The following NBPF14 variants were observed in gnomAD, a reference collection of about 807,000 sequenced individuals.
NBPF14 encodes the protein NBPF family member NBPF14.
In NBPF14, 104 loss-of-function variants were observed where a neutral mutation model predicts 91.2. The ratio of observed to expected loss-of-function variants is 1.14; its 90% confidence interval spans 0.97 to 1.34. NBPF14 has a LOEUF of 1.34. Among genes scored for constraint, NBPF14 ranks in the 40% most tolerant of loss-of-function variants. NBPF14 has a pLI of 0.00. For missense variants in NBPF14, 908 were observed against 783.0 expected (o/e 1.16, Z -1.91); for synonymous variants, 294 against 303.8 (o/e 0.97, Z 0.34).
chr1:148,586,797 TAC>T (rs1661599760), intron 8 of NBPF14, among the ~76,000 whole-genome samples: 1 of 139,370 alleles, frequency 7.2e-6, no homozygotes. Flanking sequence ...CATGTGAAAA[TAC>T]ACATAGTGCA....
intron 9 of NBPF14, among the ~76,000 whole-genome samples, chr1:148,585,508 C>A (rs1219454930): frequency 6.6e-6 from 1 of 150,394 alleles, no homozygotes; most frequent in Non-Finnish European, 1.5e-5. Flanking sequence ...CTGTCTCCCC[C>A]ATCCTGCCAG....
At chr1:148,576,044 C>A (rs1425572400) in intron 16 of NBPF14, among the ~76,000 whole-genome samples, 3 of 146,514 alleles carry the variant, frequency 2.0e-5, no homozygotes, top group Middle Eastern at 3.5e-3. Context: ...GTGAGCTCAG[C>A]GAATTGGCCG....
chr1:148,577,731 T>A (rs1186070787), intron 14 of NBPF14, among the ~76,000 whole-genome samples: 7 of 142,166 alleles, frequency 4.9e-5, no homozygotes, highest in Non-Finnish European at 9.0e-5. Context: ...GTGCTCAAGT[T>A]TCCCGGCAGT....
intron 59 of NBPF14, among the ~76,000 whole-genome samples, chr1:148,542,204 G>A (rs1349479669): frequency 2.3e-5 from 2 of 85,372 alleles, no homozygotes; most frequent in Non-Finnish European, 3.9e-5. Context: ...ATTGTTCATG[G>A]TTGTGAGGAC....
Position 148,558,235 on chromosome 1 carries a change from C to T in NBPF14, c.4954+17G>A. 5.8e-6 allele frequency: 1 copy of T among 171,228 alleles called. No individual in the cohort carries two copies. Among genetic ancestry groups the T allele is most frequent in the Non-Finnish European group, 1.0e-5 (1 of 98,834 alleles). The allele number at this position is 171,228 out of a possible 1,614,324, so 10.6% of individuals were successfully genotyped here. ...AGACCAGGTGGAGGCTTATCACCTT[C>T]ACAGTAAGGTACTCACTGTCCACGT... On this transcript the variant is annotated intron_variant, in intron 39 of 70. Transcript: ENST00000619423.
rs1358707286 is a variant in NBPF14 at position 148,584,257 on chromosome 1, T to C, written c.1585+214A>G. 3.3e-5 allele frequency among the ~76,000 whole-genome samples: 5 copies of C among 152,192 alleles called. No homozygotes were observed. In the South Asian group the frequency reaches 1.0e-3, roughly 32 times the overall value. On this transcript the variant is annotated intron_variant, in intron 11 of 70. Coordinates refer to ENST00000619423, the Ensembl canonical transcript of NBPF14. ...TCCTGCACTCAGGTGACTATGAGAT[T>C]GTCACACTTGCCTGGGGTTGAGTAA...
At chr1:148,561,772 GATAGAC>G (rs1216964146) in intron 34 of NBPF14, among the ~76,000 whole-genome samples, 193 bp from the exon 35 acceptor site, 2 of 87,660 alleles carry the variant, frequency 2.3e-5, no homozygotes, top group East Asian at 5.0e-4. Context: ...GAGAAAGACA[GATAGAC>G]ACACACACAC....
At chr1:148,587,039 C>T (rs1207833660) in intron 8 of NBPF14, among the ~76,000 whole-genome samples, 1 of 147,068 alleles carries the variant, frequency 6.8e-6, no homozygotes, top group Non-Finnish European at 1.5e-5. Context: ...GTTCACACTC[C>T]TTTGGTTAAT....
chr1:148,566,205 G>A, exon 29 of NBPF14: 1 of 575,632 alleles, frequency 1.7e-6, no homozygotes, highest in South Asian at 1.7e-5. Flanking sequence ...ACTTCCATAG[G>A]GCTGGCAGGA....
In NBPF14 at chr1:148,592,810, A is replaced by G. The variant is rs1326907344; in HGVS notation, c.279-44T>C. 5.7e-5 allele frequency: 76 copies of G among 1,325,204 alleles called. 7 individuals carry two copies. The highest frequency in any genetic ancestry group is 7.7e-5 in the Non-Finnish European group (72 of 937,922). 82.1% of individuals were successfully genotyped at this position (1,325,204 alleles called of 1,614,324 possible). On this transcript the variant is annotated intron_variant, in intron 3 of 70. Coordinates refer to ENST00000619423, the Ensembl canonical transcript of NBPF14. ...GAAAATTTAAGAGTAGAAAGGGTTG[A>G]GTGATCCGTTCAAATATTGCAACAG...
At chr1:148,591,235 T>C (rs1300791905) in intron 5 of NBPF14, among the ~76,000 whole-genome samples, 197 bp downstream of exon 5, 2 of 148,430 alleles carry the variant, frequency 1.3e-5, no homozygotes, top group East Asian at 3.9e-4. Context: ...TATCCCTGTA[T>C]GGTACAGACA....
chr1:148,566,514 C>A (rs1395534358), intron 28 of NBPF14, among the ~76,000 whole-genome samples, 199 bp from the exon 29 acceptor site: 13 of 123,708 alleles, frequency 1.1e-4, no homozygotes, highest in African/African-American at 3.4e-4. Flanking sequence ...GACAGACACA[C>A]ACACACACAC....
At chr1:148,579,141 G>A in exon 13 of NBPF14, 1 of 486,068 alleles carries the variant, frequency 2.1e-6, no homozygotes, top group East Asian at 3.1e-5. Context: ...TGTAAGACTG[G>A]TACGAGGCCA....
intron 22 of NBPF14, among the ~76,000 whole-genome samples, chr1:148,571,270 C>G (rs1272523176): frequency 1.8e-3 from 150 of 82,544 alleles, no homozygotes; most frequent in East Asian, 0.01. Flanking sequence ...CACACACACA[C>G]ACACAGAGAG....
At chr1:148,572,405 C>G in intron 21 of NBPF14, 38 bp downstream of exon 21, 1 of 425,760 alleles carries the variant, frequency 2.3e-6, no homozygotes, top group South Asian at 2.2e-5. Context: ...TCTGGAAGAC[C>G]AGGTGGAGGC....
exon 69 of NBPF14, chr1:148,534,795 A>G (rs1199551084): frequency 2.2e-5 from 20 of 923,030 alleles, no homozygotes; most frequent in Non-Finnish European, 3.2e-5. Context: ...GTCGAATAAC[A>G]TCTATCCAGT....
chr1:148,534,541 T>A, intron 69 of NBPF14, 143 bp downstream of exon 69: 5 of 710,992 alleles, frequency 7.0e-6, no homozygotes, highest in South Asian at 5.9e-5. Context: ...GAGACTACAG[T>A]TTCATTACAA....
chr1:148,534,516 T>C (rs1189213442), intron 69 of NBPF14, among the ~76,000 whole-genome samples, 168 bp downstream of exon 69: 170 of 151,900 alleles, frequency 1.1e-3, no homozygotes, highest in Non-Finnish European at 1.5e-3. Context: ...CCATTTCATG[T>C]CTAGGCTTCC....
chr1:148,534,442 T>A (rs1265756228), intron 69 of NBPF14, among the ~76,000 whole-genome samples: 2 of 151,748 alleles, frequency 1.3e-5, no homozygotes, highest in Non-Finnish European at 2.9e-5. Flanking sequence ...TCCAATGTCA[T>A]GAGAATAGGA....
Sources: allele counts gnomAD v4.1 joint callset (sites outside exome capture counted in the v4.1 genomes callset), GRCh38; gene constraint gnomAD v4.1.1; transcripts MANE v1.5; gene names NCBI Gene and HGNC (gene_info 2026-07-23, HGNC 2026-07-21).